DARS2: variants seen among roughly 807,000 people sequenced by gnomAD.
DARS2 encodes the protein aspartyl-tRNA synthetase 2, mitochondrial.
Under a neutral mutation model 83.0 loss-of-function variants are expected in DARS2, and 63 were observed. The observed-to-expected ratio is 0.76, with a 90% CI of 0.62 to 0.94. The LOEUF (loss-of-function observed/expected upper bound fraction) is 0.94. Among genes scored for constraint, DARS2 ranks in the 40% least tolerant of loss-of-function variants. The pLI, the probability that DARS2 is intolerant of heterozygous loss-of-function variation, is 0.00. For synonymous variants in DARS2, 250 were observed against 269.3 expected, an observed-to-expected ratio of 0.93 and a Z score of 0.70; for missense variants, 675 against 774.4, an observed-to-expected ratio of 0.87 and a Z score of 1.52.
rs777893015 is a variant in DARS2, at chr1:173,828,396, T to C, written c.291T>C (p.Asp97=). 8 of 1,592,440 alleles carry C rather than the reference T, an allele frequency of 5.0e-6. No individual in the cohort carries two copies. The highest frequency in any genetic ancestry group is 6.9e-6 in the Non-Finnish European group (8 of 1,166,798). ...TTGTTCAAGTTATCATTCCCCAGGA[T>C]GAGGTAATAGAAAATTTCCTGTTAT... ...DGLVQVIIPQ[D]ESAASVKKIL... The change falls in exon 3 of 17, where the codon GAT becomes GAC. Residue 97 remains aspartate, a synonymous_variant. Coordinates refer to ENST00000649689, the MANE Select transcript of DARS2 (RefSeq NM_018122.5).
chr1:173,839,240 G>A, intron 9 of DARS2, 127 bp from the exon 10 acceptor site: 1 of 808,462 alleles, frequency 1.2e-6, no homozygotes. Context: ...TAAAAGAGAT[G>A]TACAATAATA....
At chr1:173,829,860 A>T (rs1424908551) in intron 3 of DARS2, among the ~76,000 whole-genome samples, 1 of 152,122 alleles carries the variant, frequency 6.6e-6, no homozygotes. Flanking sequence ...GTGGGCCGAG[A>T]TCACGCCACT....
chr1:173,842,284 C>CTTTTTTTTTTT lies in DARS2; in HGVS notation c.1128+1334_1128+1344dup, dbSNP rs1178547914. On this transcript the variant is annotated intron_variant, in intron 11 of 16. Coordinates refer to ENST00000649689, the MANE Select transcript of DARS2 (RefSeq NM_018122.5). ...CTCAGGAACTCAGTCTCATTACTTT[C>CTTTTTTTTTTT]TTTTTTTTTTTTTTTTTTTTTTTTT... Among the ~76,000 whole-genome samples the CTTTTTTTTTTT allele has an allele frequency of 5.2e-3, 336 of 64,248 alleles. 88 individuals carry two copies. Among genetic ancestry groups the CTTTTTTTTTTT allele is most frequent in the Admixed American group, 0.015 (58 of 3,890 alleles). The allele number at this position is 64,248 out of a possible 152,430, so 42.1% of individuals were successfully genotyped here. A position where few individuals can be genotyped will look rare whatever the true frequency, so the allele number is the denominator to read the frequency against.
At position 173,857,927 on chromosome 1, in the gene DARS2, T is replaced by G; in HGVS notation, c.*222T>G. ...GGATTTTTTTTGGTTAGGACTTTTT[T>G]TGAAGTTCCTTTTTACTTAGGTGTG... On this transcript the variant is annotated 3_prime_UTR_variant, in exon 17 of 17. Coordinates refer to ENST00000649689, the MANE Select transcript of DARS2 (RefSeq NM_018122.5). 1 of 558,396 alleles carries G rather than the reference T, an allele frequency of 1.8e-6. No individual in the cohort carries two copies. The highest frequency in any genetic ancestry group is 3.2e-6 in the Non-Finnish European group (1 of 313,104). 34.6% of individuals were successfully genotyped at this position (558,396 alleles called of 1,614,324 possible).
rs1653915982 is a variant in DARS2, at chr1:173,857,913, G to A, written c.*208G>A. On this transcript the variant is annotated 3_prime_UTR_variant, in exon 17 of 17. Transcript: ENST00000649689. The stretch of plus-strand genomic sequence containing the variant: ...TTCATGCATCATTTGGATTTTTTTT[G>A]GTTAGGACTTTTTTTGAAGTTCCTT... 1.7e-6 allele frequency: 1 copy of A among 595,612 alleles called. No individual in the cohort carries two copies. Among genetic ancestry groups the A allele is most frequent in the Non-Finnish European group, 2.9e-6 (1 of 340,696 alleles). The allele number at this position is 595,612 out of a possible 1,614,324, so 36.9% of individuals were successfully genotyped here. A position where few individuals can be genotyped will look rare whatever the true frequency, so the allele number is the denominator to read the frequency against.
chr1:173,828,319 C>CA lies in DARS2; in HGVS notation c.228-14_228-13insA. 1 of 1,353,260 alleles carries CA rather than the reference C, an allele frequency of 7.4e-7. No individual in the cohort carries two copies. The highest frequency in any genetic ancestry group is 1.4e-5 in the African/African-American group (1 of 70,330). 83.8% of individuals were successfully genotyped at this position (1,353,260 alleles called of 1,614,324 possible). On this transcript the variant is annotated splice_polypyrimidine_tract_variant and intron_variant, in intron 2 of 16. Transcript: ENST00000649689. ...TATCTTAAAATGTTTCTTTTCCCCC[C>CA]CCCCATTAATCAGGCAAAACACATT...
intron 9 of DARS2, among the ~76,000 whole-genome samples, 182 bp from the exon 10 acceptor site, chr1:173,839,185 C>G (rs1324977458): frequency 2.0e-5 from 3 of 152,082 alleles, no homozygotes; most frequent in Admixed American, 2.0e-4. Flanking sequence ...GTTGTGGGAA[C>G]TAAGCAAGTT....
At chr1:173,844,866 T>C (rs6691922) in intron 11 of DARS2, among the ~76,000 whole-genome samples, 12,579 of 133,656 alleles carry the variant, frequency 0.094, 1,849 homozygotes, top group African/African-American at 0.32. Context: ...CAATCTCGGC[T>C]CACTGTAGCC....
chr1:173,856,447 G>A (rs1236531454), intron 15 of DARS2, among the ~76,000 whole-genome samples: 1 of 152,154 alleles, frequency 6.6e-6, no homozygotes, highest in African/African-American at 2.4e-5. Flanking sequence ...TTTTGTACAT[G>A]TTATAATCAT....
chr1:173,838,330 T>A lies in DARS2; in HGVS notation c.840+71T>A. On this transcript the variant is annotated intron_variant, in intron 9 of 16. Transcript: ENST00000649689. ...TTTGAAATAGTATTTTCAAGACCAG[T>A]GCAGTATTAATACTTTACTTCTCAT... The A allele has an allele frequency of 3.5e-6, 4 of 1,156,894 alleles. No individual in the cohort carries two copies. The Admixed American group carries it at 7.1e-5, about 20-fold the overall frequency. 71.7% of individuals were successfully genotyped at this position (1,156,894 alleles called of 1,614,324 possible). A position where few individuals can be genotyped will look rare whatever the true frequency, so the allele number is the denominator to read the frequency against.
chr1:173,831,506 T>C, intron 4 of DARS2, 29 bp from the exon 5 acceptor site: 1 of 1,531,808 alleles, frequency 6.5e-7, no homozygotes, highest in Admixed American at 1.7e-5. Context: ...ATGAGTAATT[T>C]TTAAAACCCT....
At chr1:173,850,554 C>A (rs1260967865) in intron 13 of DARS2, 75 bp downstream of exon 13, 1 of 1,426,810 alleles carries the variant, frequency 7.0e-7, no homozygotes, top group Non-Finnish European at 9.7e-7. Flanking sequence ...ATATAGTATA[C>A]GTTTGAACTG....
At chr1:173,856,635 T>A in intron 15 of DARS2, 31 bp from the exon 16 acceptor site, 2 of 1,606,630 alleles carry the variant, frequency 1.2e-6, no homozygotes, top group Non-Finnish European at 1.7e-6. Context: ...CTTCAAAATA[T>A]ATTTAAACTG....
rs750104755 is a variant in DARS2 at position 173,826,787 on chromosome 1, G to A, written c.227+1G>A. 1.2e-6 allele frequency: 2 copies of A among 1,606,802 alleles called. No homozygotes were observed. The highest frequency in any genetic ancestry group is 1.7e-5 in the Admixed American group (1 of 59,968). On this transcript the variant is annotated splice_donor_variant, in intron 2 of 16. Coordinates refer to ENST00000649689, the MANE Select transcript of DARS2 (RefSeq NM_018122.5). LOFTEE classifies it high-confidence loss of function. ...TGTGTGGATGGATTCAGTACCGAAGGTAAATTGAGAAAGACAGTCTAAGAA... is the reference window on the plus strand; with the variant it reads ...TGTGTGGATGGATTCAGTACCGAAGATAAATTGAGAAAGACAGTCTAAGAA...
At chr1:173,836,069 T>A (rs1019561922) in intron 7 of DARS2, among the ~76,000 whole-genome samples, 9 of 146,368 alleles carry the variant, frequency 6.1e-5, no homozygotes, top group Non-Finnish European at 1.4e-4. Context: ...AAAAAAAAAA[T>A]ATTAGCCAGG....
intron 2 of DARS2, among the ~76,000 whole-genome samples, chr1:173,827,676 A>G (rs955517497): frequency 2.0e-5 from 3 of 152,080 alleles, no homozygotes; most frequent in East Asian, 1.9e-4. Context: ...TATTTTTCCC[A>G]TAAGTTTAGT....
intron 11 of DARS2, among the ~76,000 whole-genome samples, chr1:173,843,274 A>C (rs1201189872): frequency 1.3e-5 from 2 of 152,136 alleles, no homozygotes; most frequent in Admixed American, 1.3e-4. Flanking sequence ...GAGAGAGAGA[A>C]TAAGGGCCAA....
chr1:173,828,130 A>T (rs1652653333), intron 2 of DARS2, among the ~76,000 whole-genome samples: 1 of 152,118 alleles, frequency 6.6e-6, no homozygotes. Flanking sequence ...TTTTTTGGCA[A>T]TGAGCTACAT....
chr1:173,833,987 TC>T (rs1296041839), intron 6 of DARS2, among the ~76,000 whole-genome samples: 7 of 152,142 alleles, frequency 4.6e-5, no homozygotes, highest in Admixed American at 2.0e-4. Context: ...GTCTCAAACT[TC>T]TGGGTTTAAG....
Sources: gnomAD v4.1 joint callset for allele counts (sites outside exome capture counted in the v4.1 genomes callset) on GRCh38, gnomAD v4.1.1 for gene constraint, MANE v1.5 for transcripts, NCBI Gene and HGNC (gene_info 2026-07-23, HGNC 2026-07-21) for gene names.